The following STXBP5L variants were observed in gnomAD, a reference collection of about 807,000 sequenced individuals.
STXBP5L encodes the protein syntaxin-binding protein 5-like.
STXBP5L carries 65 observed loss-of-function variants against 144.5 expected under a neutral mutation model. The ratio of observed to expected loss-of-function variants is 0.45; its 90% CI spans 0.37 to 0.55. The LOEUF (loss-of-function observed/expected upper bound fraction) is 0.55, where lower values mean the gene tolerates loss of function less well. Ranked by LOEUF, STXBP5L falls within the 20% of genes least tolerant of loss-of-function variation. STXBP5L has a pLI of 0.00. For synonymous variants in STXBP5L, 505 were observed against 469.6 expected (o/e 1.08, Z -0.97); for missense variants, 1,298 against 1,405.5 (o/e 0.92, Z 1.22).
At chr3:121,156,086 C>T (rs2046102023) in intron 8 of STXBP5L, among the ~76,000 whole-genome samples, 1 of 151,942 alleles carries the variant, frequency 6.6e-6, no homozygotes, top group Non-Finnish European at 1.5e-5. Flanking sequence ...CTAACTTCCT[C>T]TGCTGGACCC....
At chr3:121,165,321 C>CAT (rs2108035039) in intron 9 of STXBP5L, among the ~76,000 whole-genome samples, 1 of 152,212 alleles carries the variant, frequency 6.6e-6, no homozygotes, top group East Asian at 1.9e-4. Flanking sequence ...GTTTTATCTG[C>CAT]ATATATATAA....
chr3:121,040,210 A>T (rs1466889293), intron 3 of STXBP5L, among the ~76,000 whole-genome samples: 1 of 151,882 alleles, frequency 6.6e-6, no homozygotes, highest in South Asian at 2.1e-4. Context: ...AGGTTTTCGT[A>T]TTTCTATAAT....
chr3:121,381,221 A>G, intron 21 of STXBP5L, 72 bp from the exon 22 acceptor site: 2 of 1,397,452 alleles, frequency 1.4e-6, no homozygotes, highest in Non-Finnish European at 1.9e-6. Context: ...TTTGATTTAT[A>G]TATATTAAAT....
chr3:120,928,015 A>G (rs188776674), intron 2 of STXBP5L, among the ~76,000 whole-genome samples: 5 of 152,280 alleles, frequency 3.3e-5, no homozygotes, highest in Non-Finnish European at 7.4e-5. Context: ...CTAAGAGCTG[A>G]ACATTTGGGA....
At position 121,340,632 on chromosome 3, in the gene STXBP5L, T is replaced by G. The variant is rs951271251; in HGVS notation, c.2176+22092T>G. Among the ~76,000 whole-genome samples the G allele has an allele frequency of 3.3e-5, 5 of 152,090 alleles. 1 individual carries two copies. The highest frequency in any genetic ancestry group is 9.7e-5 in the African/African-American group (4 of 41,418). ...TTGCTTAGAATGATGGTTTTCAACT[T>G]CATCCATGTTCCTGCAAAGGACATG... On this transcript the variant is annotated intron_variant, in intron 20 of 26. Transcript: ENST00000471454.
chr3:121,099,589 C>A (rs190316680), intron 5 of STXBP5L: 2 of 153,298 alleles, frequency 1.3e-5, no homozygotes, highest in Non-Finnish European at 2.9e-5. Flanking sequence ...AGAGGGAACA[C>A]TTCTGAGTGT....
intron 10 of STXBP5L, among the ~76,000 whole-genome samples, chr3:121,220,126 A>C (rs2048929562): frequency 6.6e-6 from 1 of 151,464 alleles, no homozygotes; most frequent in Non-Finnish European, 1.5e-5. Context: ...CTTTATAGTC[A>C]CTCCTCTCCC....
chr3:121,061,472 T>C (rs932579585), intron 5 of STXBP5L, among the ~76,000 whole-genome samples: 1 of 152,218 alleles, frequency 6.6e-6, no homozygotes, highest in African/African-American at 2.4e-5. Context: ...GAGAGTTCTG[T>C]AGATGTCTAT....
At chr3:120,928,040 G>A (rs1709730283) in intron 2 of STXBP5L, among the ~76,000 whole-genome samples, 1 of 152,058 alleles carries the variant, frequency 6.6e-6, no homozygotes, top group Non-Finnish European at 1.5e-5. Context: ...ACAATTGAAA[G>A]CAAAATAAGA....
At chr3:121,296,420 C>T (rs2051652266) in intron 19 of STXBP5L, among the ~76,000 whole-genome samples, 1 of 152,178 alleles carries the variant, frequency 6.6e-6, no homozygotes, top group African/African-American at 2.4e-5. Context: ...GAAAGAGGGG[C>T]TTTCCATTTC....
chr3:121,327,431 G>A (rs1451462738), intron 20 of STXBP5L, among the ~76,000 whole-genome samples: 1 of 152,156 alleles, frequency 6.6e-6, no homozygotes, highest in Admixed American at 6.5e-5. Context: ...CTGCTGTTGT[G>A]AGGCTAGGCC....
At chr3:121,038,990 G>GTA (rs1432238991) in intron 3 of STXBP5L, among the ~76,000 whole-genome samples, 6 of 151,740 alleles carry the variant, frequency 4.0e-5, no homozygotes, top group Admixed American at 3.9e-4. Flanking sequence ...TAACCTATTT[G>GTA]TATATATTTA....
intron 20 of STXBP5L, among the ~76,000 whole-genome samples, chr3:121,332,341 G>GA (rs913816432): frequency 2.2e-5 from 2 of 90,174 alleles, no homozygotes; most frequent in Non-Finnish European, 4.7e-5. Flanking sequence ...AAACTAACAT[G>GA]AAAAAAAATT....
intron 19 of STXBP5L, 31 bp downstream of exon 19, chr3:121,279,987 T>G: frequency 6.2e-7 from 1 of 1,604,626 alleles, no homozygotes; most frequent in Non-Finnish European, 8.5e-7. Context: ...AGTTATGAAC[T>G]TGATTTGGTC....
chr3:121,172,311 C>A (rs1033437314), intron 9 of STXBP5L, among the ~76,000 whole-genome samples: 15 of 152,132 alleles, frequency 9.9e-5, no homozygotes, highest in African/African-American at 3.6e-4. Context: ...AAAGCAATGG[C>A]AACAAAAGGC....
At chr3:121,276,134 T>G (rs1008814746) in intron 18 of STXBP5L, among the ~76,000 whole-genome samples, 4 of 151,200 alleles carry the variant, frequency 2.6e-5, no homozygotes, top group Admixed American at 2.6e-4. Flanking sequence ...CTTTTAATGA[T>G]TCTATTTTAA....
intron 3 of STXBP5L, among the ~76,000 whole-genome samples, chr3:121,010,763 TAAG>T (rs1446168688): frequency 6.6e-6 from 1 of 151,860 alleles, no homozygotes; most frequent in East Asian, 1.9e-4. Flanking sequence ...AGGAAAATAT[TAAG>T]AAAATCATAA....
At chr3:121,186,463 A>G (rs996247030) in intron 9 of STXBP5L, among the ~76,000 whole-genome samples, 3 of 152,188 alleles carry the variant, frequency 2.0e-5, no homozygotes, top group African/African-American at 7.2e-5. Flanking sequence ...TTTGAGATAC[A>G]TCCCATCAAT....
intron 10 of STXBP5L, among the ~76,000 whole-genome samples, chr3:121,222,748 C>T (rs2049010529): frequency 6.6e-6 from 1 of 152,148 alleles, no homozygotes; most frequent in Admixed American, 6.6e-5. Flanking sequence ...CCTCCAAGCT[C>T]ACTGCCTTTC....
Sources: allele counts gnomAD v4.1 joint callset (sites outside exome capture counted in the v4.1 genomes callset), GRCh38; gene constraint gnomAD v4.1.1; transcripts MANE v1.5; gene names NCBI Gene and HGNC (gene_info 2026-07-23, HGNC 2026-07-21).